CERK: variants seen among roughly 807,000 people sequenced by gnomAD.
CERK encodes the protein ceramide kinase, also known as acylsphingosine kinase.
CERK carries 39 observed loss-of-function variants against 63.4 expected under a neutral mutation model. The ratio of observed to expected loss-of-function variants is 0.61; its 90% CI spans 0.48 to 0.80. The LOEUF is 0.80. Among genes scored for constraint, CERK ranks in the 30% least tolerant of loss-of-function variants. CERK has a pLI of 0.00. For synonymous variants in CERK, 302 were observed against 280.0 expected, an observed-to-expected ratio of 1.08 and a Z score of -0.78; for missense variants, 670 against 714.1, an observed-to-expected ratio of 0.94 and a Z score of 0.70.
intron 11 of CERK, among the ~76,000 whole-genome samples, chr22:46,690,880 G>A (rs192533399): frequency 9.2e-5 from 14 of 152,216 alleles, no homozygotes; most frequent in East Asian, 1.9e-4. Flanking sequence ...GAGAAACAAC[G>A]GGTAAGAAGT....
At chr22:46,728,587 A>G (rs990823238) in intron 1 of CERK, among the ~76,000 whole-genome samples, 1 of 152,226 alleles carries the variant, frequency 6.6e-6, no homozygotes, top group Admixed American at 6.5e-5. Context: ...CTAAATGGAA[A>G]GCAGCATTCA....
At chr22:46,701,781 A>T in intron 6 of CERK, 71 bp from the exon 7 acceptor site, 1 of 1,110,060 alleles carries the variant, frequency 9.0e-7, no homozygotes, top group Non-Finnish European at 1.3e-6. Flanking sequence ...CAATTCAGTG[A>T]GTGGTACCTC....
intron 10 of CERK, among the ~76,000 whole-genome samples, chr22:46,692,379 T>C (rs1376331706): frequency 2.0e-5 from 3 of 146,720 alleles, no homozygotes; most frequent in Admixed American, 6.9e-5. Context: ...TGAGCTGAGA[T>C]TGCGCCATTG....
rs551636769 is a variant in CERK, at chr22:46,691,456, A to T, written c.1332+116T>A. On this transcript the variant is annotated intron_variant, in intron 11 of 12. Coordinates refer to ENST00000216264, the MANE Select transcript of CERK (RefSeq NM_022766.6). Reference sequence around the variant, plus strand: ...AAGTTTGTGAAATTAAAAAAAAAAAAGTTTGCCCTTCCTTCCCTTGAATTA... The same window carrying T: ...AAGTTTGTGAAATTAAAAAAAAAAATGTTTGCCCTTCCTTCCCTTGAATTA... 5.0e-5 allele frequency: 40 copies of T among 796,800 alleles called. No individual in the cohort carries two copies. In the South Asian group the frequency reaches 7.2e-4, roughly 14 times the overall value. The allele number at this position is 796,800 out of a possible 1,614,324, so 49.4% of individuals were successfully genotyped here. A position where few individuals can be genotyped will look rare whatever the true frequency, so the allele number is the denominator to read the frequency against.
intron 1 of CERK, 40 bp downstream of exon 1, chr22:46,737,967 T>C: frequency 8.9e-7 from 1 of 1,122,900 alleles, no homozygotes; most frequent in Non-Finnish European, 1.1e-6. Flanking sequence ...CCCCGCTCCC[T>C]GGCCAGGTCC....
At chr22:46,728,810 G>T (rs1374601635) in intron 1 of CERK, among the ~76,000 whole-genome samples, 2 of 152,256 alleles carry the variant, frequency 1.3e-5, no homozygotes, top group African/African-American at 4.8e-5. Context: ...GGACGTCTGA[G>T]CTATGGGGCA....
At chr22:46,707,457 G>A (rs1004931826) in intron 6 of CERK, among the ~76,000 whole-genome samples, 1 of 151,870 alleles carries the variant, frequency 6.6e-6, no homozygotes, top group Non-Finnish European at 1.5e-5. Context: ...TCCCCAGCCC[G>A]ATTCCTGCCC....
At position 46,691,604 on chromosome 22, in the gene CERK, A is replaced by C; in HGVS notation, c.1300T>G (p.Phe434Val). 6.2e-7 allele frequency: 1 copy of C among 1,613,966 alleles called. No individual in the cohort carries two copies. The highest frequency in any genetic ancestry group is 8.5e-7 in the Non-Finnish European group (1 of 1,180,014). Residue 434 changes from phenylalanine to valine, a missense_variant, in exon 11 of 13, where the codon TTT becomes GTT. Transcript: ENST00000216264. ...TGCTGGTTGGTGTGCCTGATGAGAA[A>C]TCTCAGAAAATTGAACCTGGAGCAT... ...RKCSRFNFLR[F>V]LIRHTNQQDQ...
intron 12 of CERK, among the ~76,000 whole-genome samples, chr22:46,689,170 C>G (rs752508071): frequency 8.5e-5 from 13 of 152,242 alleles, no homozygotes; most frequent in Admixed American, 1.3e-4. Flanking sequence ...CCCTAGGCTG[C>G]GTGGCCTCCA....
In CERK at chr22:46,737,304, A is replaced by AC. The variant is rs1352996056; in HGVS notation, c.142+702_142+703insG. Among the ~76,000 whole-genome samples the AC allele has an allele frequency of 8.6e-4, 122 of 141,488 alleles. 1 individual carries two copies. Among genetic ancestry groups the AC allele is most frequent in the African/African-American group, 3.3e-3 (119 of 36,384 alleles). 92.8% of individuals were successfully genotyped at this position (141,488 alleles called of 152,430 possible). Reference sequence around the variant, plus strand: ...AACACTCCGACTCAAAAAAAAAAAAAAACAAAAAACAAACAAAAAACAACA... The same window carrying AC: ...AACACTCCGACTCAAAAAAAAAAAAACAACAAAAAACAAACAAAAAACAACA... On this transcript the variant is annotated intron_variant, in intron 1 of 12. Transcript: ENST00000216264.
At chr22:46,694,170 G>A (rs2082744847) in intron 9 of CERK, among the ~76,000 whole-genome samples, 1 of 151,886 alleles carries the variant, frequency 6.6e-6, no homozygotes, top group African/African-American at 2.4e-5. Flanking sequence ...GACTTAAAAG[G>A]AAAGGACGTG....
intron 6 of CERK, among the ~76,000 whole-genome samples, chr22:46,706,513 C>T (rs1186216953): frequency 6.6e-6 from 1 of 152,152 alleles, no homozygotes; most frequent in Admixed American, 6.5e-5. Flanking sequence ...AACCATTTCT[C>T]CCCTTAGTGT....
intron 6 of CERK, among the ~76,000 whole-genome samples, chr22:46,706,780 C>G (rs993504887): frequency 7.9e-5 from 12 of 152,174 alleles, no homozygotes; most frequent in Admixed American, 7.2e-4. Context: ...ACAAATCCCC[C>G]TAAAATGAGT....
At chr22:46,713,528 AACAAAC>A (rs1356822288) in intron 3 of CERK, among the ~76,000 whole-genome samples, 2 of 146,228 alleles carry the variant, frequency 1.4e-5, no homozygotes, top group African/African-American at 5.3e-5. Context: ...AAAAAAAAAA[AACAAAC>A]AAACAAAAAA....
intron 1 of CERK, among the ~76,000 whole-genome samples, chr22:46,728,229 A>T (rs541772814): frequency 6.6e-6 from 1 of 152,104 alleles, no homozygotes; most frequent in Non-Finnish European, 1.5e-5. Flanking sequence ...CGTCCTAGGG[A>T]TGAGACGGGG....
intron 9 of CERK, among the ~76,000 whole-genome samples, chr22:46,694,969 C>T (rs1240212005): frequency 6.6e-6 from 1 of 152,228 alleles, no homozygotes; most frequent in Non-Finnish European, 1.5e-5. Flanking sequence ...TGGGACCCTC[C>T]CCCAGAGTCC....
At chr22:46,732,104 C>T (rs1000926268) in intron 1 of CERK, among the ~76,000 whole-genome samples, 6 of 152,072 alleles carry the variant, frequency 3.9e-5, no homozygotes, top group African/African-American at 1.2e-4. Flanking sequence ...GTATGGGATC[C>T]GGACAGCCGA....
At chr22:46,734,242 A>G (rs2082961006) in intron 1 of CERK, among the ~76,000 whole-genome samples, 1 of 152,136 alleles carries the variant, frequency 6.6e-6, no homozygotes, top group South Asian at 2.1e-4. Context: ...CGGATACACT[A>G]GTGCACCCAC....
chr22:46,724,952 C>T (rs555410087), intron 1 of CERK, among the ~76,000 whole-genome samples: 5 of 151,984 alleles, frequency 3.3e-5, no homozygotes, highest in African/African-American at 9.7e-5. Context: ...ACCAGGGAGG[C>T]GGGGCTTGCA....
Sources: allele counts gnomAD v4.1 joint callset (sites outside exome capture counted in the v4.1 genomes callset), GRCh38; gene constraint gnomAD v4.1.1; transcripts MANE v1.5; gene names NCBI Gene and HGNC (gene_info 2026-07-23, HGNC 2026-07-21).